PADI4: variants seen among roughly 807,000 people sequenced by gnomAD.
PADI4 encodes protein-arginine deiminase type-4.
PADI4 carries 62 observed loss-of-function variants against 75.0 expected under a neutral mutation model. That is an observed-to-expected ratio of 0.83 (90% confidence interval 0.67 to 1.02). The LOEUF (loss-of-function observed/expected upper bound fraction) is 1.02, where lower values mean the gene tolerates loss of function less well. Ranked by LOEUF, PADI4 falls within the 50% of genes least tolerant of loss-of-function variation. PADI4 has a pLI of 0.00. For synonymous variants in PADI4, 361 were observed against 348.1 expected (o/e 1.04, Z -0.41); for missense variants, 845 against 850.5 (o/e 0.99, Z 0.08).
At chr1:17,352,155 A>G (rs2074667262) in intron 10 of PADI4, among the ~76,000 whole-genome samples, 1 of 146,532 alleles carries the variant, frequency 6.8e-6, no homozygotes. Context: ...AGAGGCAATC[A>G]GGGAGGTGAT....
intron 8 of PADI4, among the ~76,000 whole-genome samples, chr1:17,343,727 C>T (rs2074464321): frequency 6.6e-6 from 1 of 152,098 alleles, no homozygotes; most frequent in Non-Finnish European, 1.5e-5. Context: ...CAGGGGTTTC[C>T]ACTTTTGCAT....
Position 17,363,694 on chromosome 1 carries a change from A to G in PADI4, c.1931A>G (p.His644Arg), listed in dbSNP as rs765608875. The G allele has an allele frequency of 7.4e-6, 12 of 1,614,092 alleles. No individual in the cohort carries two copies. Among genetic ancestry groups the G allele is most frequent in the Admixed American group, 1.7e-5 (1 of 60,010 alleles). ...TACCACATCAGGCATGGGGAGGTGC[A>G]CTGCGGCACCAACGTGCGCAGAAAG... ...FTYHIRHGEV[H>R]CGTNVRRKPF... Residue 644 changes from histidine (H) to arginine (R), a missense_variant, in exon 16 of 16, where the codon CAC (histidine) becomes CGC (arginine). Transcript: ENST00000375448.
chr1:17,324,017 C>T (rs2074077123), intron 1 of PADI4, among the ~76,000 whole-genome samples: 1 of 152,148 alleles, frequency 6.6e-6, no homozygotes, highest in Non-Finnish European at 1.5e-5. Context: ...TCATTGTTCA[C>T]ATTACAGAAA....
intron 4 of PADI4, 84 bp downstream of exon 4, chr1:17,336,310 C>A: frequency 1.1e-6 from 1 of 877,226 alleles, no homozygotes; most frequent in Non-Finnish European, 1.9e-6. Flanking sequence ...AAATGCTGGC[C>A]TGTCCCACGT....
chr1:17,314,963 T>C (rs2073906847), intron 1 of PADI4, among the ~76,000 whole-genome samples: 1 of 152,096 alleles, frequency 6.6e-6, no homozygotes, highest in Admixed American at 6.6e-5. Flanking sequence ...CCTGGCAATC[T>C]CCCCGAGGCC....
intron 1 of PADI4, among the ~76,000 whole-genome samples, chr1:17,310,984 C>A (rs2073813969): frequency 6.6e-6 from 1 of 151,930 alleles, no homozygotes; most frequent in African/African-American, 2.4e-5. Flanking sequence ...ATAGTCCCAG[C>A]TACTTGGGAG....
chr1:17,334,994 A>C (rs900299704), intron 3 of PADI4, among the ~76,000 whole-genome samples: 4 of 151,990 alleles, frequency 2.6e-5, no homozygotes, highest in African/African-American at 7.3e-5. Context: ...ATAAAAAAAA[A>C]CAGCTGAGCA....
In PADI4 at chr1:17,356,467, G is replaced by C; in HGVS notation, c.1558+8G>C. The C allele has an allele frequency of 1.9e-6, 3 of 1,546,110 alleles. No homozygotes were observed. ...TGTTCGAAGGGATCAAGAGTAAGTC[G>C]GCCCTGCCTTGTTCTCCTGTCTGTG... On this transcript the variant is annotated splice_region_variant and intron_variant, in intron 13 of 15. Coordinates refer to ENST00000375448, the MANE Select transcript of PADI4 (RefSeq NM_012387.3). This position sits in a 1 kb window ranked among gnomAD's most constrained non-coding sequence, Gnocchi z 4.1.
intron 2 of PADI4, among the ~76,000 whole-genome samples, chr1:17,331,974 C>G (rs964234390): frequency 1.3e-5 from 2 of 152,166 alleles, no homozygotes; most frequent in Non-Finnish European, 2.9e-5. Flanking sequence ...GAAGTGTATC[C>G]TCTCACTGTT....
Position 17,356,917 on chromosome 1 carries a change from A to C in PADI4, c.1558+458A>C, listed in dbSNP as rs1446012308. On this transcript the variant is annotated intron_variant, in intron 13 of 15. Coordinates refer to ENST00000375448, the MANE Select transcript of PADI4 (RefSeq NM_012387.3). This position sits in a 1 kb window ranked among gnomAD's most constrained non-coding sequence, Gnocchi z 4.1. ...TCGGTATAGCTGGAGCACAGATGAA[A>C]TATTACTCTCTCAGCAGAGCTCACA... 6.6e-6 allele frequency among the ~76,000 whole-genome samples: 1 copy of C among 152,136 alleles called. No homozygotes were observed. Among genetic ancestry groups the C allele is most frequent in the African/African-American group, 2.4e-5 (1 of 41,434 alleles).
In PADI4 at chr1:17,359,416, G is replaced by A. The variant is rs771559074; in HGVS notation, c.1758+8G>A. ...GCTTTTTTCCCCAACATGGTGAGGAGGTGGCGGCTTTAAAACCCCAGGGTG... is the reference window on the plus strand; with the variant it reads ...GCTTTTTTCCCCAACATGGTGAGGAAGTGGCGGCTTTAAAACCCCAGGGTG... On this transcript the variant is annotated splice_region_variant and intron_variant, in intron 15 of 15. Coordinates refer to ENST00000375448, the MANE Select transcript of PADI4 (RefSeq NM_012387.3). The A allele has an allele frequency of 3.1e-6, 5 of 1,614,028 alleles. No homozygotes were observed. Among genetic ancestry groups the A allele is most frequent in the Middle Eastern group, 1.7e-4 (1 of 6,056 alleles).
intron 13 of PADI4, among the ~76,000 whole-genome samples, chr1:17,357,258 C>T (rs2074776950): frequency 6.6e-6 from 1 of 152,156 alleles, no homozygotes; most frequent in Non-Finnish European, 1.5e-5. Context: ...GCCTCTGCAT[C>T]CCGGGTTCAA....
intron 10 of PADI4, chr1:17,348,641 A>T (rs1227461111): frequency 6.6e-6 from 1 of 152,318 alleles, no homozygotes; most frequent in East Asian, 1.9e-4. Context: ...GTTGTGTGTT[A>T]GCCAGTGCTG....
intron 14 of PADI4, 141 bp downstream of exon 14, chr1:17,359,049 C>A: frequency 1.4e-6 from 1 of 698,822 alleles, no homozygotes; most frequent in Non-Finnish European, 2.5e-6. Context: ...AGGGCAGAAG[C>A]AAAGACTGGG....
At chr1:17,314,874 CCTGG>C (rs2073904848) in intron 1 of PADI4, among the ~76,000 whole-genome samples, 1 of 152,238 alleles carries the variant, frequency 6.6e-6, no homozygotes, top group Non-Finnish European at 1.5e-5. Context: ...CATGCTGTGC[CCTGG>C]CTGGCTGGTG....
intron 2 of PADI4, among the ~76,000 whole-genome samples, 192 bp from the exon 3 acceptor site, chr1:17,333,751 G>A (rs1425285551): frequency 2.0e-5 from 3 of 151,950 alleles, no homozygotes; most frequent in Admixed American, 2.0e-4. Context: ...ATGCTCTTCT[G>A]TAGCACCAGT....
At chr1:17,359,458 C>T in intron 15 of PADI4, 50 bp downstream of exon 15, 1 of 1,611,366 alleles carries the variant, frequency 6.2e-7, no homozygotes, top group African/African-American at 1.3e-5. Flanking sequence ...GGAGGTAGCT[C>T]AGCCCGAGAG....
chr1:17,335,261 T>C (rs1013226774), intron 3 of PADI4, among the ~76,000 whole-genome samples: 1 of 152,226 alleles, frequency 6.6e-6, no homozygotes, highest in Admixed American at 6.5e-5. Context: ...ACTACAGCAC[T>C]TACTCAATTG....
chr1:17,309,553 G>A (rs1194002362), intron 1 of PADI4, among the ~76,000 whole-genome samples: 7 of 152,084 alleles, frequency 4.6e-5, no homozygotes, highest in Non-Finnish European at 7.4e-5. Context: ...TCAACCCCTC[G>A]GTCTCTCTGA....
Sources: gnomAD v4.1 joint callset for allele counts (sites outside exome capture counted in the v4.1 genomes callset) on GRCh38, gnomAD v4.1.1 for gene constraint, Gnocchi (gnomAD v3.1) non-coding constraint, MANE v1.5 for transcripts, NCBI Gene and HGNC (gene_info 2026-07-23, HGNC 2026-07-21) for gene names.